SGIP1: variants seen among roughly 807,000 people sequenced by gnomAD.
The protein encoded by SGIP1 is SH3GL interacting endocytic adaptor 1, also known as SH3-containing GRB2-like protein 3-interacting protein 1.
In SGIP1, 38 loss-of-function variants were observed where a neutral mutation model predicts 107.5. That is an observed-to-expected ratio of 0.35 (90% confidence interval 0.27 to 0.46). The LOEUF is 0.46. Ranked by LOEUF, SGIP1 falls within the 20% of genes least tolerant of loss-of-function variation. SGIP1 has a pLI of 1.00. For missense variants in SGIP1, 929 were observed against 1,019.5 expected, an observed-to-expected ratio of 0.91 and a Z score of 1.21; for synonymous variants, 365 against 366.1, an observed-to-expected ratio of 1.00 and a Z score of 0.03.
At chr1:66,686,188 C>T (rs12070427) in intron 15 of SGIP1, among the ~76,000 whole-genome samples, 10,443 of 152,242 alleles carry the variant, frequency 0.069, 1,023 homozygotes, top group African/African-American at 0.22. Flanking sequence ...CTGTTGGATT[C>T]CACGGCCTGT....
rs604737 is a variant in SGIP1 at position 66,743,405 on chromosome 1, G to A, written c.*310G>A. 44,534 of 238,498 alleles carry A rather than the reference G, an allele frequency of 0.19. 5,048 individuals are homozygous for A. The highest frequency in any genetic ancestry group is 0.24 in the Non-Finnish European group (29,112 of 120,500). The allele number at this position is 238,498 out of a possible 1,614,324, so 14.8% of individuals were successfully genotyped here. ...GCATTTTACCATTCCTGAAATGGAT[G>A]TAATTTAAACTGTGGTATGTAAATT... On this transcript the variant is annotated 3_prime_UTR_variant, in exon 25 of 25. Transcript: ENST00000371037.
chr1:66,588,380 C>CA (rs78448146), intron 1 of SGIP1, among the ~76,000 whole-genome samples: 28,564 of 151,730 alleles, frequency 0.19, 3,181 homozygotes, highest in African/African-American at 0.31. Context: ...ACCTGCAAAA[C>CA]AAAAAAATAT....
intron 1 of SGIP1, among the ~76,000 whole-genome samples, chr1:66,537,606 A>G (rs1203445611): frequency 5.3e-5 from 8 of 152,116 alleles, no homozygotes; most frequent in Non-Finnish European, 8.8e-5. Flanking sequence ...TAGGTGCTAT[A>G]CTAGAAAGAT....
intron 21 of SGIP1, among the ~76,000 whole-genome samples, chr1:66,736,701 G>T (rs1418769407): frequency 6.6e-6 from 1 of 150,542 alleles, no homozygotes; most frequent in African/African-American, 2.4e-5. Flanking sequence ...GTATTTTGGG[G>T]GGTGTTAGGA....
chr1:66,672,889 T>G (rs1440610528), intron 11 of SGIP1, among the ~76,000 whole-genome samples: 2 of 152,152 alleles, frequency 1.3e-5, no homozygotes, highest in African/African-American at 2.4e-5. Context: ...CAAAGAGATG[T>G]GGTGAAATCA....
At chr1:66,649,911 G>T (rs1325886803) in intron 7 of SGIP1, among the ~76,000 whole-genome samples, 2 of 152,132 alleles carry the variant, frequency 1.3e-5, no homozygotes, top group Non-Finnish European at 2.9e-5. Flanking sequence ...CTTTTGGTAT[G>T]TTGAAAACCC....
At chr1:66,631,740 C>T (rs996894175) in intron 2 of SGIP1, among the ~76,000 whole-genome samples, 5 of 144,424 alleles carry the variant, frequency 3.5e-5, no homozygotes, top group Non-Finnish European at 7.5e-5. Flanking sequence ...CTCACGGGCT[C>T]CCTGCCATGA....
intron 20 of SGIP1, 112 bp downstream of exon 20, chr1:66,729,531 C>T: frequency 2.3e-6 from 3 of 1,324,500 alleles, no homozygotes; most frequent in South Asian, 1.4e-5. Context: ...ATTACCACCA[C>T]TCAGATATAT....
intron 9 of SGIP1, among the ~76,000 whole-genome samples, chr1:66,668,879 CA>C (rs1272284766): frequency 1.2e-4 from 18 of 152,334 alleles, no homozygotes; most frequent in African/African-American, 4.1e-4. Flanking sequence ...GGGGAAAATA[CA>C]GTCGCTTGAC....
chr1:66,662,956 A>G (rs2081829941), intron 8 of SGIP1, among the ~76,000 whole-genome samples: 1 of 152,216 alleles, frequency 6.6e-6, no homozygotes, highest in South Asian at 2.1e-4. Flanking sequence ...AAATGGCTGC[A>G]ATCAGAGATG....
At chr1:66,686,781 C>T (rs1026956084) in intron 15 of SGIP1, among the ~76,000 whole-genome samples, 2 of 152,102 alleles carry the variant, frequency 1.3e-5, no homozygotes, top group African/African-American at 4.8e-5. Flanking sequence ...ATGGGGCATC[C>T]GTAAAGGAAA....
At chr1:66,684,133 CA>C (rs2087602706) in intron 15 of SGIP1, 1 of 1,550,552 alleles carries the variant, frequency 6.4e-7, no homozygotes, top group Admixed American at 2.0e-5. Flanking sequence ...TCAGAGATAT[CA>C]AGTAATTTGC....
chr1:66,628,429 G>A (rs1339414565), intron 2 of SGIP1: 2 of 154,656 alleles, frequency 1.3e-5, no homozygotes, highest in African/African-American at 4.8e-5. Context: ...ACACTAGATG[G>A]AATCGAATTT....
At chr1:66,682,475 C>A (rs1164061857) in intron 15 of SGIP1, 106 bp downstream of exon 15, 6 of 1,377,916 alleles carry the variant, frequency 4.4e-6, no homozygotes, top group African/African-American at 2.9e-5. Context: ...AGAGCTTCAG[C>A]CCTCACTCCT....
chr1:66,671,030 CT>C lies in SGIP1; in HGVS notation c.508+13del. On this transcript the variant is annotated intron_variant, in intron 10 of 24. Coordinates refer to ENST00000371037, the MANE Select transcript of SGIP1 (RefSeq NM_032291.4). The stretch of plus-strand genomic sequence containing the variant: ...AAAGGAACTTATCCAGTAAGTATAT[CT>C]TAGCTACCAGAAATAGTGTATGATT... The C allele has an allele frequency of 7.5e-7, 1 of 1,335,882 alleles. No individual in the cohort carries two copies. Among genetic ancestry groups the C allele is most frequent in the Non-Finnish European group, 1.0e-6 (1 of 958,362 alleles). 82.8% of individuals were successfully genotyped at this position (1,335,882 alleles called of 1,614,324 possible). A position where few individuals can be genotyped will look rare whatever the true frequency, so the allele number is the denominator to read the frequency against.
chr1:66,694,251 T>C (rs1283159842), intron 17 of SGIP1, among the ~76,000 whole-genome samples: 1 of 151,606 alleles, frequency 6.6e-6, no homozygotes, highest in African/African-American at 2.4e-5. Context: ...TTTCCTCTCA[T>C]AGAATCATCA....
At chr1:66,692,314 GA>G (rs1453229655) in intron 17 of SGIP1, among the ~76,000 whole-genome samples, 2 of 151,866 alleles carry the variant, frequency 1.3e-5, no homozygotes, top group Admixed American at 6.5e-5. Flanking sequence ...ACCAGAGTGG[GA>G]TTAAAAAAAA....
chr1:66,539,639 C>T (rs1239986706), intron 1 of SGIP1, among the ~76,000 whole-genome samples: 4 of 152,164 alleles, frequency 2.6e-5, no homozygotes, highest in Non-Finnish European at 5.9e-5. Flanking sequence ...ACTTCACTCA[C>T]ACTGAAAGCC....
intron 15 of SGIP1, among the ~76,000 whole-genome samples, chr1:66,685,626 A>T (rs1168508107): frequency 6.6e-6 from 1 of 152,232 alleles, no homozygotes; most frequent in Non-Finnish European, 1.5e-5. Flanking sequence ...AGTCTGAGCT[A>T]CCTAGGGTTG....
Sources: gnomAD v4.1 joint callset for allele counts (sites outside exome capture counted in the v4.1 genomes callset) on GRCh38, gnomAD v4.1.1 for gene constraint, MANE v1.5 for transcripts, NCBI Gene and HGNC (gene_info 2026-07-23, HGNC 2026-07-21) for gene names.